Variants in SHC3 observed in about 807,000 individuals in gnomAD.
SHC3 encodes SHC adaptor protein 3.
SHC3 carries 15 observed loss-of-function variants against 60.4 expected under a neutral mutation model. The observed-to-expected ratio is 0.25, with a 90% CI of 0.17 to 0.38. The LOEUF is 0.38. Among genes scored for constraint, SHC3 ranks in the 10% least tolerant of loss-of-function variants. The probability of loss-of-function intolerance (pLI) is 1.00; values close to 1 mark genes in which losing one functional copy is unlikely to be tolerated. For missense variants in SHC3, 677 were observed against 786.1 expected, an observed-to-expected ratio of 0.86 and a Z score of 1.66; for synonymous variants, 294 against 325.9, an observed-to-expected ratio of 0.90 and a Z score of 1.05.
intron 1 of SHC3, among the ~76,000 whole-genome samples, chr9:89,159,266 C>A (rs989570479): frequency 3.3e-5 from 5 of 152,120 alleles, no homozygotes; most frequent in African/African-American, 1.2e-4. Flanking sequence ...AGAATATAGG[C>A]CAAATGTGGC....
intron 2 of SHC3, among the ~76,000 whole-genome samples, chr9:89,108,281 G>T (rs138022143): frequency 1.8e-4 from 27 of 152,174 alleles, no homozygotes; most frequent in African/African-American, 6.3e-4. Flanking sequence ...GGGAGGCTGA[G>T]GTGAATGGAT....
Position 89,071,995 on chromosome 9 carries a change from A to C in SHC3, c.730-743T>G, listed in dbSNP as rs145483911. Reference sequence around the variant, plus strand: ...GACTGGTTTATTAATCCCTACTCCTATCTCTTTTTCTCTTGATGCTAAATG... The same window carrying C: ...GACTGGTTTATTAATCCCTACTCCTCTCTCTTTTTCTCTTGATGCTAAATG... On this transcript the variant is annotated intron_variant, in intron 4 of 11. Transcript: ENST00000375835. Among the ~76,000 whole-genome samples, 227 of 152,186 alleles carry C rather than the reference A, an allele frequency of 1.5e-3. 3 individuals are homozygous for C. The highest frequency in any genetic ancestry group is 1.9e-4 in the Non-Finnish European group (13 of 68,002).
At chr9:89,037,693 T>C (rs1824605013) in intron 11 of SHC3, among the ~76,000 whole-genome samples, 1 of 152,230 alleles carries the variant, frequency 6.6e-6, no homozygotes, top group Admixed American at 6.5e-5. Flanking sequence ...GAAATGTGTT[T>C]GTAAGGAAAA....
intron 2 of SHC3, among the ~76,000 whole-genome samples, chr9:89,079,208 C>T (rs1825408766): frequency 6.6e-6 from 1 of 152,210 alleles, no homozygotes; most frequent in Non-Finnish European, 1.5e-5. Context: ...AATATTCTAA[C>T]TGTGTTTCTA....
intron 1 of SHC3, among the ~76,000 whole-genome samples, chr9:89,130,400 C>T (rs1826226988): frequency 6.6e-6 from 1 of 152,216 alleles, no homozygotes; most frequent in Non-Finnish European, 1.5e-5. Flanking sequence ...GAACTCAGCT[C>T]TGCACCAAGT....
At chr9:89,044,297 A>C (rs951551939) in intron 9 of SHC3, among the ~76,000 whole-genome samples, 3 of 152,224 alleles carry the variant, frequency 2.0e-5, no homozygotes, top group African/African-American at 4.8e-5. Context: ...TTTCCAGCCT[A>C]TTCTGAGGCA....
At chr9:89,112,776 A>G (rs979325043) in intron 1 of SHC3, 150 bp from the exon 2 acceptor site, 20 of 616,220 alleles carry the variant, frequency 3.2e-5, no homozygotes, top group African/African-American at 7.8e-5. Flanking sequence ...TTTTGTTTCT[A>G]TAAAAGCAAT....
intron 1 of SHC3, among the ~76,000 whole-genome samples, chr9:89,168,256 G>A (rs1362648453): frequency 2.0e-5 from 3 of 152,088 alleles, no homozygotes; most frequent in Non-Finnish European, 4.4e-5. Flanking sequence ...ACCTGAGGTC[G>A]GGAGTTCGAG....
At chr9:89,100,902 C>T (rs1269520773) in intron 2 of SHC3, among the ~76,000 whole-genome samples, 1 of 152,074 alleles carries the variant, frequency 6.6e-6, no homozygotes, top group South Asian at 2.1e-4. Context: ...TTTCAAAATT[C>T]TTTTGTTGGT....
intron 1 of SHC3, among the ~76,000 whole-genome samples, chr9:89,160,311 T>A (rs1826685855): frequency 1.3e-5 from 2 of 152,176 alleles, no homozygotes; most frequent in African/African-American, 4.8e-5. Context: ...CAGATCTGGA[T>A]AGTCCTTCCA....
intron 11 of SHC3, among the ~76,000 whole-genome samples, chr9:89,030,426 C>T (rs1587684070): frequency 1.3e-5 from 2 of 152,264 alleles, no homozygotes; most frequent in South Asian, 4.1e-4. Context: ...TTTATACATG[C>T]TAACCTATTT....
chr9:89,033,019 C>G (rs371519647), intron 11 of SHC3, among the ~76,000 whole-genome samples: 3 of 143,242 alleles, frequency 2.1e-5, no homozygotes, highest in Non-Finnish European at 3.1e-5. Context: ...ACAAAAAAGC[C>G]CCCCCACCGA....
intron 11 of SHC3, among the ~76,000 whole-genome samples, chr9:89,029,411 G>A (rs1824433511): frequency 6.6e-6 from 1 of 151,874 alleles, no homozygotes; most frequent in Non-Finnish European, 1.5e-5. Context: ...AAGGGATGAA[G>A]AATCACACCA....
At chr9:89,061,084 G>T (rs767133760) in intron 6 of SHC3, among the ~76,000 whole-genome samples, 1 of 152,158 alleles carries the variant, frequency 6.6e-6, no homozygotes, top group Non-Finnish European at 1.5e-5. Flanking sequence ...GGCATGGTAC[G>T]TAAAGCACAG....
At chr9:89,147,801 C>T (rs1383999040) in intron 1 of SHC3, among the ~76,000 whole-genome samples, 2 of 152,042 alleles carry the variant, frequency 1.3e-5, no homozygotes, top group African/African-American at 4.8e-5. Context: ...TCCCTTCCTC[C>T]CTGATGATAG....
At chr9:89,024,429 C>T (rs1826254208) in intron 11 of SHC3, among the ~76,000 whole-genome samples, 1 of 152,186 alleles carries the variant, frequency 6.6e-6, no homozygotes, top group Non-Finnish European at 1.5e-5. Flanking sequence ...AGGTGCACTC[C>T]ACCACTCCCT....
intron 2 of SHC3, among the ~76,000 whole-genome samples, chr9:89,086,568 T>C (rs1189600691): frequency 6.6e-6 from 1 of 152,172 alleles, no homozygotes; most frequent in East Asian, 1.9e-4. Flanking sequence ...CTGAACCCAG[T>C]CTTGCTGGGT....
intron 11 of SHC3, among the ~76,000 whole-genome samples, chr9:89,020,194 A>AC (rs1184977447): frequency 8.6e-5 from 13 of 151,630 alleles, no homozygotes; most frequent in Non-Finnish European, 2.9e-5. Context: ...AGCAGGCATC[A>AC]CCCCCAGTGC....
At position 89,010,475 on chromosome 9, in the gene SHC3, G is replaced by C. The variant is rs868820; in HGVS notation, c.*2972C>G. ...CGTGGGGTTAGGGGAGGTGGGTGGG[G>C]GTCTCTAGGGCCACTCGGTAAGGGC... On this transcript the variant is annotated 3_prime_UTR_variant, in exon 12 of 12. Transcript: ENST00000375835. 0.41 allele frequency: 62,895 copies of C among 152,132 alleles called. 14,531 individuals carry two copies. Among genetic ancestry groups the C allele is most frequent in the East Asian group, 0.82 (4,213 of 5,146 alleles). The allele number at this position is 152,132 out of a possible 1,614,324, so 9.4% of individuals were successfully genotyped here. A position where few individuals can be genotyped will look rare whatever the true frequency, so the allele number is the denominator to read the frequency against.
Sources: gnomAD v4.1 joint callset for allele counts (sites outside exome capture counted in the v4.1 genomes callset) on GRCh38, gnomAD v4.1.1 for gene constraint, MANE v1.5 for transcripts, NCBI Gene and HGNC (gene_info 2026-07-23, HGNC 2026-07-21) for gene names.